GNG7: variants seen among roughly 807,000 people sequenced by gnomAD.
The protein encoded by GNG7 is G protein subunit gamma 7, also known as guanine nucleotide-binding protein G(I)/G(S)/G(O) subunit gamma-7.
A neutral mutation model predicts 4.0 loss-of-function variants in GNG7; 1 was observed. The ratio of observed to expected loss-of-function variants is 0.25; its 90% CI spans 0.09 to 1.18. The LOEUF (loss-of-function observed/expected upper bound fraction) is 1.18, where lower values mean the gene tolerates loss of function less well. Ranked by LOEUF, GNG7 falls within the 50% of genes most tolerant of loss-of-function variation. The pLI, the probability that GNG7 is intolerant of heterozygous loss-of-function variation, is 0.50. For synonymous variants in GNG7, 34 were observed against 36.9 expected (o/e 0.92, Z 0.29); for missense variants, 86 against 91.9 (o/e 0.94, Z 0.26).
chr19:2,559,037 G>A (rs1386628639), intron 2 of GNG7, among the ~76,000 whole-genome samples: 1 of 151,866 alleles, frequency 6.6e-6, no homozygotes, highest in Non-Finnish European at 1.5e-5. Flanking sequence ...GACCTCATGT[G>A]ATCCACCCAC....
intron 3 of GNG7, among the ~76,000 whole-genome samples, chr19:2,526,055 C>T (rs1229457720): frequency 6.8e-6 from 1 of 147,564 alleles, no homozygotes; most frequent in Non-Finnish European, 1.5e-5. Context: ...ACTGCAACCT[C>T]CTCCTCCAGG....
At chr19:2,635,630 T>G (rs1467842431) in intron 2 of GNG7, among the ~76,000 whole-genome samples, 2 of 150,486 alleles carry the variant, frequency 1.3e-5, no homozygotes, top group Admixed American at 1.3e-4. Context: ...TTGCCCAGGC[T>G]GTAGTGCAAT....
At chr19:2,553,008 C>A (rs1385924435) in intron 3 of GNG7, among the ~76,000 whole-genome samples, 1 of 150,236 alleles carries the variant, frequency 6.7e-6, no homozygotes, top group African/African-American at 2.5e-5. Flanking sequence ...AAGATCAGAG[C>A]AGCGATAAAC....
At chr19:2,579,685 C>G (rs1227093337) in intron 2 of GNG7, among the ~76,000 whole-genome samples, 2 of 152,158 alleles carry the variant, frequency 1.3e-5, no homozygotes, top group African/African-American at 2.4e-5. Context: ...GGCAGAAATG[C>G]GGGGAGCAGG....
intron 2 of GNG7, among the ~76,000 whole-genome samples, chr19:2,602,292 G>A (rs1163881660): frequency 6.6e-6 from 1 of 151,988 alleles, no homozygotes; most frequent in Non-Finnish European, 1.5e-5. Flanking sequence ...AGCTGAGATC[G>A]CGCCACTGCA....
At chr19:2,538,075 TCAAA>T (rs1178967576) in intron 3 of GNG7, 2 of 286,524 alleles carry the variant, frequency 7.0e-6, no homozygotes, top group Non-Finnish European at 1.3e-5. Flanking sequence ...AGACTCTCTC[TCAAA>T]CAAAACAAAA....
At chr19:2,579,082 C>A (rs564773400) in intron 2 of GNG7, among the ~76,000 whole-genome samples, 17 of 152,374 alleles carry the variant, frequency 1.1e-4, no homozygotes, top group Admixed American at 1.0e-3. Flanking sequence ...GTCTCCGGCC[C>A]TGGCAGCCCG....
At chr19:2,584,121 G>A (rs1185165669) in intron 2 of GNG7, among the ~76,000 whole-genome samples, 3 of 152,000 alleles carry the variant, frequency 2.0e-5, no homozygotes, top group South Asian at 2.1e-4. Flanking sequence ...GAAACTCAAA[G>A]AATTATGGCA....
chr19:2,524,916 G>A (rs1196395757), intron 3 of GNG7, among the ~76,000 whole-genome samples: 1 of 152,202 alleles, frequency 6.6e-6, no homozygotes, highest in Admixed American at 6.5e-5. Context: ...GTGCGTGTGT[G>A]TGCGCACGGG....
chr19:2,559,953 G>A (rs1423411605), intron 2 of GNG7, among the ~76,000 whole-genome samples: 1 of 152,066 alleles, frequency 6.6e-6, no homozygotes, highest in Non-Finnish European at 1.5e-5. Context: ...GCCTCAGCAC[G>A]ATGCCTGGGG....
intron 2 of GNG7, among the ~76,000 whole-genome samples, chr19:2,556,637 C>T (rs1397272952): frequency 6.6e-6 from 1 of 152,122 alleles, no homozygotes; most frequent in Non-Finnish European, 1.5e-5. Context: ...CTGAGGTCGG[C>T]GGGAAGCCTC....
At chr19:2,576,723 C>CT (rs111393476) in intron 2 of GNG7, among the ~76,000 whole-genome samples, 1 of 150,810 alleles carries the variant, frequency 6.6e-6, no homozygotes, top group South Asian at 2.1e-4. Context: ...ATTTTTAAAA[C>CT]TTTTTTTTAC....
chr19:2,565,178 C>G (rs12975010), intron 2 of GNG7, among the ~76,000 whole-genome samples: 1 of 152,168 alleles, frequency 6.6e-6, no homozygotes, highest in Non-Finnish European at 1.5e-5. Flanking sequence ...GGAAAACACA[C>G]GTGCAACCCT....
At chr19:2,590,406 C>T (rs568329528) in intron 2 of GNG7, among the ~76,000 whole-genome samples, 12 of 152,208 alleles carry the variant, frequency 7.9e-5, no homozygotes, top group African/African-American at 2.6e-4. Context: ...ATAAAGCTGT[C>T]GTCTATATCT....
chr19:2,556,242 C>A (rs1979539409), intron 2 of GNG7, among the ~76,000 whole-genome samples: 1 of 152,258 alleles, frequency 6.6e-6, no homozygotes. Context: ...AAGCCAGGAG[C>A]TGCACCACTG....
Position 2,536,405 on chromosome 19 carries a change from C to T in GNG7, c.-37-15680G>A, listed in dbSNP as rs140875272. On this transcript the variant is annotated intron_variant, in intron 3 of 4. Coordinates refer to ENST00000382159, the MANE Select transcript of GNG7 (RefSeq NM_052847.3). ...TGCACTCCAGCCTGGGCAACAGGAG[C>T]GAAACTCCATCTCAAAAAAAAAAAG... Among the ~76,000 whole-genome samples the T allele has an allele frequency of 9.7e-3, 1,430 of 148,154 alleles. 21 individuals are homozygous for T. Among genetic ancestry groups the T allele is most frequent in the Non-Finnish European group, 0.014 (969 of 67,418 alleles).
At chr19:2,667,795 G>A (rs1983347905) in intron 1 of GNG7, among the ~76,000 whole-genome samples, 1 of 151,960 alleles carries the variant, frequency 6.6e-6, no homozygotes, top group Non-Finnish European at 1.5e-5. Flanking sequence ...GGTGCCTGTA[G>A]TCCCAGCTAC....
At chr19:2,644,953 C>G (rs1289282571) in intron 2 of GNG7, among the ~76,000 whole-genome samples, 1 of 152,140 alleles carries the variant, frequency 6.6e-6, no homozygotes, top group African/African-American at 2.4e-5. Flanking sequence ...TCTGAATTAC[C>G]TCTCATGACC....
chr19:2,681,520 C>T (rs911086656), intron 1 of GNG7, among the ~76,000 whole-genome samples: 11 of 152,150 alleles, frequency 7.2e-5, no homozygotes, highest in African/African-American at 1.7e-4. Context: ...CCTCCCACCT[C>T]GGCCTCCCAA....
Sources: gnomAD v4.1 joint callset for allele counts (sites outside exome capture counted in the v4.1 genomes callset) on GRCh38, gnomAD v4.1.1 for gene constraint, MANE v1.5 for transcripts, NCBI Gene and HGNC (gene_info 2026-07-23, HGNC 2026-07-21) for gene names.